The following FRAS1 variants were observed in gnomAD, a reference collection of about 807,000 sequenced individuals.
FRAS1 encodes Fraser extracellular matrix complex subunit 1, also known as extracellular matrix organizing protein FRAS1.
A neutral mutation model predicts 435.2 loss-of-function variants in FRAS1; 290 were observed. The ratio of observed to expected loss-of-function variants is 0.67; its 90% CI spans 0.61 to 0.73. The LOEUF (loss-of-function observed/expected upper bound fraction) is 0.73. Among genes scored for constraint, FRAS1 ranks in the 30% least tolerant of loss-of-function variants. The pLI is 0.00. For missense variants in FRAS1, 4,860 were observed against 5,001.5 expected (o/e 0.97, Z 0.85); for synonymous variants, 1,800 against 1,851.0 (o/e 0.97, Z 0.71).
chr4:78,470,186 A>C, intron 51 of FRAS1, 95 bp downstream of exon 51: 1 of 751,924 alleles, frequency 1.3e-6, no homozygotes, highest in Non-Finnish European at 2.2e-6. Flanking sequence ...AGTTCAGCTC[A>C]CCTGTTTATC....
intron 14 of FRAS1, among the ~76,000 whole-genome samples, chr4:78,307,564 G>A (rs1271839965): frequency 1.3e-5 from 2 of 152,214 alleles, no homozygotes; most frequent in Non-Finnish European, 2.9e-5. Flanking sequence ...CTGGTGCGCC[G>A]TTTTTTAAGC....
intron 2 of FRAS1, among the ~76,000 whole-genome samples, chr4:78,122,962 A>C (rs532990443): frequency 0.22 from 32,608 of 151,526 alleles, 3,815 homozygotes; most frequent in Admixed American, 0.28. Context: ...TTTTGCTGCG[A>C]AGAAGCTCTT....
rs1288406855 is a variant in FRAS1 at position 78,245,291 on chromosome 4, C to T, written c.275C>T (p.Pro92Leu). The T allele has an allele frequency of 6.2e-7, 1 of 1,608,384 alleles. No individual in the cohort carries two copies. The highest frequency in any genetic ancestry group is 8.5e-7 in the Non-Finnish European group (1 of 1,177,330). ...QCCPECVLRT[P>L]GSCHHEKKIH... ...TGTCCTGAGTGTGTTTTGAGGACTCCAGGATCTTGCCATCATGAAAAGAAA... is the reference window on the plus strand; with the variant it reads ...TGTCCTGAGTGTGTTTTGAGGACTCTAGGATCTTGCCATCATGAAAAGAAA... Residue 92 changes from proline to leucine, a missense_variant, in exon 4 of 74, where the codon CCA becomes CTA. Physicochemically the swap from Pro to Leu is moderately conservative, Grantham distance 98 (BLOSUM62 -3). Coordinates refer to ENST00000512123, the MANE Select transcript of FRAS1 (RefSeq NM_025074.7).
At chr4:78,173,990 A>T (rs1721660185) in intron 2 of FRAS1, among the ~76,000 whole-genome samples, 1 of 152,200 alleles carries the variant, frequency 6.6e-6, no homozygotes, top group South Asian at 2.1e-4. Context: ...CAGATGGTGT[A>T]ACTGGGTGCT....
chr4:78,161,193 A>G (rs1442004197), intron 2 of FRAS1, among the ~76,000 whole-genome samples: 2 of 152,160 alleles, frequency 1.3e-5, no homozygotes, highest in African/African-American at 4.8e-5. Context: ...AAGTAATAGG[A>G]TTATTTTAAT....
At position 78,082,415 on chromosome 4, in the gene FRAS1, G is replaced by C. The variant is rs199712709; in HGVS notation, c.108+16399G>C. Among the ~76,000 whole-genome samples, 7 of 152,050 alleles carry C rather than the reference G, an allele frequency of 4.6e-5. No homozygotes were observed. In the East Asian group the frequency reaches 1.4e-3, roughly 29 times the overall value. On this transcript the variant is annotated intron_variant, in intron 2 of 73. Transcript: ENST00000512123. ...GTTTCCTGTGAACATAAAGCTCAAA[G>C]TGTTAAGTAATTTCCTTTGGATTGA... is the stretch of plus-strand genomic sequence containing the variant.
At chr4:78,505,834 T>C (rs910427543) in intron 61 of FRAS1, among the ~76,000 whole-genome samples, 1 of 152,196 alleles carries the variant, frequency 6.6e-6, no homozygotes. Context: ...ATTTTCAGCT[T>C]TTCTGTTCTG....
intron 2 of FRAS1, among the ~76,000 whole-genome samples, chr4:78,171,139 A>G (rs1468469978): frequency 6.6e-6 from 1 of 152,084 alleles, no homozygotes. Context: ...GATGCCTCAA[A>G]AACTATGAAC....
At chr4:78,308,026 C>G in intron 14 of FRAS1, 40 bp from the exon 15 acceptor site, 1 of 1,551,334 alleles carries the variant, frequency 6.4e-7, no homozygotes, top group Non-Finnish European at 8.7e-7. Context: ...CCAGTCCTTT[C>G]TGCCGTAGAT....
rs567764463 is a variant in FRAS1 at position 78,342,991 on chromosome 4, A to AT, written c.2422+5175dup. ...AGAAGACAAATATCAGTAAAGAAAT[A>AT]TACTTTGAGTATTTTCATACTGTAT... On this transcript the variant is annotated intron_variant, in intron 20 of 73. Coordinates refer to ENST00000512123, the MANE Select transcript of FRAS1 (RefSeq NM_025074.7). 6.8e-4 allele frequency among the ~76,000 whole-genome samples: 104 copies of AT among 152,360 alleles called. 1 individual carries two copies. In the Middle Eastern group the frequency reaches 0.027, roughly 40 times the overall value.
chr4:78,278,356 C>T (rs752084743), intron 9 of FRAS1, among the ~76,000 whole-genome samples: 5 of 152,186 alleles, frequency 3.3e-5, no homozygotes, highest in Non-Finnish European at 5.9e-5. Flanking sequence ...TAGACTATAA[C>T]ATTAACCTTG....
In FRAS1 at chr4:78,122,488, G is replaced by A. The variant is rs145510953; in HGVS notation, c.108+56472G>A. Among the ~76,000 whole-genome samples the A allele has an allele frequency of 1.7e-4, 26 of 152,100 alleles. No homozygotes were observed. The East Asian group carries it at 5.0e-3, about 29-fold the overall frequency. Reference sequence around the variant, plus strand: ...CTGATTTGTAATCCTTTGGGTATATGCCCCATAATGGGATTGCTGGGTCAA... The same window carrying A: ...CTGATTTGTAATCCTTTGGGTATATACCCCATAATGGGATTGCTGGGTCAA... On this transcript the variant is annotated intron_variant, in intron 2 of 73. Coordinates refer to ENST00000512123, the MANE Select transcript of FRAS1 (RefSeq NM_025074.7).
intron 69 of FRAS1, among the ~76,000 whole-genome samples, chr4:78,523,949 T>C (rs1339000329): frequency 6.6e-6 from 1 of 152,176 alleles, no homozygotes; most frequent in Non-Finnish European, 1.5e-5. Flanking sequence ...CATACCTCCA[T>C]GCTTTTGCAA....
intron 14 of FRAS1, among the ~76,000 whole-genome samples, chr4:78,288,775 C>G (rs547975254): frequency 1.3e-3 from 194 of 152,218 alleles, no homozygotes; most frequent in Admixed American, 1.6e-3. Flanking sequence ...TGTCTTGGCA[C>G]TAAGATTATC....
At chr4:78,227,828 A>G (rs1187174215) in intron 2 of FRAS1, among the ~76,000 whole-genome samples, 1 of 152,242 alleles carries the variant, frequency 6.6e-6, no homozygotes, top group Non-Finnish European at 1.5e-5. Context: ...CAAGGGCAGC[A>G]TGTTGAACTT....
At chr4:78,388,198 G>T (rs953187071) in intron 29 of FRAS1, among the ~76,000 whole-genome samples, 13 of 151,978 alleles carry the variant, frequency 8.6e-5, no homozygotes, top group African/African-American at 2.9e-4. Flanking sequence ...GGTGGCGGGT[G>T]CCTGTAGTCC....
At position 78,543,785 on chromosome 4, in the gene FRAS1, C is replaced by T. The variant is rs1354912428; in HGVS notation, c.*2661C>T. The T allele has an allele frequency of 6.6e-6, 1 of 152,212 alleles. No individual in the cohort carries two copies. Among genetic ancestry groups the T allele is most frequent in the Non-Finnish European group, 1.5e-5 (1 of 68,042 alleles). 9.4% of individuals were successfully genotyped at this position (152,212 alleles called of 1,614,324 possible). On this transcript the variant is annotated 3_prime_UTR_variant, in exon 74 of 74. Coordinates refer to ENST00000512123, the MANE Select transcript of FRAS1 (RefSeq NM_025074.7). ...AATGTGGATTATATTTCAGTCAAAG[C>T]TCTGCTTTCAATTTCTCTGATTTGC... is the stretch of plus-strand genomic sequence containing the variant.
chr4:78,078,943 A>G (rs1022266198), intron 2 of FRAS1, among the ~76,000 whole-genome samples: 1 of 152,196 alleles, frequency 6.6e-6, no homozygotes, highest in African/African-American at 2.4e-5. Context: ...TTTAGAAGAA[A>G]GAAAAGTTAT....
At chr4:78,321,938 C>T (rs345508) in intron 18 of FRAS1, among the ~76,000 whole-genome samples, 6,393 of 151,888 alleles carry the variant, frequency 0.042, 439 homozygotes, top group African/African-American at 0.15. Context: ...TCCCTTGTAG[C>T]CCTGTGACTT....
Sources: allele counts gnomAD v4.1 joint callset (sites outside exome capture counted in the v4.1 genomes callset), GRCh38; gene constraint gnomAD v4.1.1; transcripts MANE v1.5; gene names NCBI Gene and HGNC (gene_info 2026-07-23, HGNC 2026-07-21).